The following PXDNL variants were observed in gnomAD, a reference collection of about 807,000 sequenced individuals.
PXDNL encodes peroxidasin like.
PXDNL carries 145 observed loss-of-function variants against 150.8 expected under a neutral mutation model. The observed-to-expected ratio is 0.96, with a 90% CI of 0.84 to 1.10. The LOEUF is 1.10. Among genes scored for constraint, PXDNL ranks in the 50% least tolerant of loss-of-function variants. The pLI is 0.00. For missense variants in PXDNL, 2,087 were observed against 1,873.9 expected (o/e 1.11, Z -2.10); for synonymous variants, 757 against 725.7 (o/e 1.04, Z -0.69).
intron 14 of PXDNL, among the ~76,000 whole-genome samples, chr8:51,420,191 G>A (rs1808909558): frequency 6.6e-6 from 1 of 152,130 alleles, no homozygotes; most frequent in South Asian, 2.1e-4. Context: ...TCCACAAATG[G>A]AATTACAACA....
At chr8:51,760,876 T>TTTTTTTTTTTTTTTTA in intron 1 of PXDNL, among the ~76,000 whole-genome samples, 1 of 115,880 alleles carries the variant, frequency 8.6e-6, no homozygotes, top group Non-Finnish European at 1.8e-5. Flanking sequence ...TTTTTTTTTT[T>TTTTTTTTTTTTTTTTA]GAGACGGAGT....
chr8:51,659,432 T>G (rs966274140), intron 1 of PXDNL, among the ~76,000 whole-genome samples: 3 of 152,216 alleles, frequency 2.0e-5, no homozygotes, highest in Non-Finnish European at 4.4e-5. Flanking sequence ...CATTTTTAAC[T>G]AATAAGATGT....
At chr8:51,498,190 G>A (rs202014240) in intron 5 of PXDNL, among the ~76,000 whole-genome samples, 6 of 148,770 alleles carry the variant, frequency 4.0e-5, no homozygotes, top group Middle Eastern at 3.5e-3. Context: ...GACAGAAAAC[G>A]AAACACCGCA....
intron 1 of PXDNL, among the ~76,000 whole-genome samples, chr8:51,745,767 T>TTA (rs2036977380): frequency 6.6e-6 from 1 of 151,460 alleles, no homozygotes; most frequent in African/African-American, 2.4e-5. Context: ...CATTTTTTTT[T>TTA]TTTTTTTTAG....
chr8:51,374,533 A>G (rs1180473977), intron 18 of PXDNL, 64 bp downstream of exon 18: 24 of 1,501,282 alleles, frequency 1.6e-5, no homozygotes, highest in Middle Eastern at 1.9e-4. Context: ...AATGTTAAAC[A>G]TATACATTTT....
At chr8:51,406,618 G>A (rs1449693856) in intron 17 of PXDNL, among the ~76,000 whole-genome samples, 1 of 152,146 alleles carries the variant, frequency 6.6e-6, no homozygotes, top group East Asian at 1.9e-4. Context: ...GCCACCTGGT[G>A]TTCCCCCATC....
chr8:51,521,004 G>A (rs774404626), intron 4 of PXDNL, among the ~76,000 whole-genome samples: 2 of 152,090 alleles, frequency 1.3e-5, no homozygotes, highest in Non-Finnish European at 2.9e-5. Flanking sequence ...AGGCGGAGTT[G>A]GGAGGATTGC....
chr8:51,481,428 C>A (rs1049983539), intron 6 of PXDNL, among the ~76,000 whole-genome samples: 1 of 152,150 alleles, frequency 6.6e-6, no homozygotes, highest in Admixed American at 6.6e-5. Context: ...TGGAAATTTG[C>A]AGCCTCATGA....
chr8:51,497,256 C>G (rs894424536), intron 5 of PXDNL, among the ~76,000 whole-genome samples: 2 of 152,148 alleles, frequency 1.3e-5, no homozygotes, highest in African/African-American at 4.8e-5. Flanking sequence ...AACTGGATCC[C>G]TTCCTGACAC....
chr8:51,405,287 G>A (rs1237838954), intron 17 of PXDNL, among the ~76,000 whole-genome samples: 2 of 152,232 alleles, frequency 1.3e-5, no homozygotes, highest in Admixed American at 6.5e-5. Context: ...CGAGGCCGAG[G>A]AGGTGCCCAG....
intron 1 of PXDNL, among the ~76,000 whole-genome samples, chr8:51,775,023 G>A: frequency 6.6e-6 from 1 of 152,126 alleles, no homozygotes; most frequent in East Asian, 1.9e-4. Flanking sequence ...GTAACAGAAT[G>A]ATTTATTTCC....
intron 6 of PXDNL, among the ~76,000 whole-genome samples, chr8:51,481,032 A>AGTTGTTGGAACTGCCAACAGTTGTT: frequency 6.6e-6 from 1 of 152,352 alleles, no homozygotes; most frequent in Non-Finnish European, 1.5e-5. Context: ...ACTGCATAAC[A>AGTTGTTGGAACTGCCAACAGTTGTT]GGCAGATGTT....
intron 3 of PXDNL, among the ~76,000 whole-genome samples, chr8:51,584,551 AGTGATCTGTTAT>A (rs1813281906): frequency 6.6e-6 from 1 of 152,172 alleles, no homozygotes; most frequent in Non-Finnish European, 1.5e-5. Context: ...GGTAAAAATA[AGTGATCTGTTAT>A]GTGATCATCA....
intron 4 of PXDNL, among the ~76,000 whole-genome samples, chr8:51,538,628 C>T (rs989865653): frequency 1.8e-4 from 28 of 151,842 alleles, no homozygotes; most frequent in Admixed American, 1.2e-3. Context: ...TTAGGCGAGT[C>T]TGGTGGTGGG....
chr8:51,372,160 C>T (rs1807141646), intron 18 of PXDNL, 79 bp from the exon 19 acceptor site: 1 of 979,460 alleles, frequency 1.0e-6, no homozygotes, highest in South Asian at 1.6e-5. Context: ...AGCCACAATG[C>T]ACCAAGAAGA....
At chr8:51,612,084 C>T (rs35943550) in intron 2 of PXDNL, among the ~76,000 whole-genome samples, 65 of 152,246 alleles carry the variant, frequency 4.3e-4, no homozygotes, top group Middle Eastern at 3.4e-3. Flanking sequence ...TGACAAATAT[C>T]GACCTGGCAA....
At chr8:51,595,003 A>G (rs1813532675) in intron 2 of PXDNL, among the ~76,000 whole-genome samples, 1 of 152,204 alleles carries the variant, frequency 6.6e-6, no homozygotes, top group Non-Finnish European at 1.5e-5. Context: ...AAGGAACAAA[A>G]CAAAACAAAA....
chr8:51,422,562 C>G lies in PXDNL; in HGVS notation c.1795+1013G>C, dbSNP rs567832004. 6.6e-5 allele frequency among the ~76,000 whole-genome samples: 10 copies of G among 152,210 alleles called. No individual in the cohort carries two copies. The East Asian group carries it at 1.9e-3, about 29-fold the overall frequency. On this transcript the variant is annotated intron_variant, in intron 14 of 22. Coordinates refer to ENST00000356297, the MANE Select transcript of PXDNL (RefSeq NM_144651.5). ...TATTGTACGTAATGAAACAGTTACC[C>G]AATCTCTTCTATAAACCCATAAGGC...
At chr8:51,765,559 A>G (rs2037219322) in intron 1 of PXDNL, among the ~76,000 whole-genome samples, 2 of 152,178 alleles carry the variant, frequency 1.3e-5, no homozygotes, top group Non-Finnish European at 2.9e-5. Flanking sequence ...CATTAATACA[A>G]TATAGTTGGT....
Sources: allele counts gnomAD v4.1 joint callset (sites outside exome capture counted in the v4.1 genomes callset), GRCh38; gene constraint gnomAD v4.1.1; transcripts MANE v1.5; gene names NCBI Gene and HGNC (gene_info 2026-07-23, HGNC 2026-07-21).